Variants in DLG2 observed in about 807,000 individuals in gnomAD.
The protein encoded by DLG2 is disks large homolog 2.
A neutral mutation model predicts 132.5 loss-of-function variants in DLG2; 45 were observed. That is an observed-to-expected ratio of 0.34 (90% CI 0.27 to 0.44). The LOEUF (loss-of-function observed/expected upper bound fraction) is 0.44, where lower values mean the gene tolerates loss of function less well. Ranked by LOEUF, DLG2 falls within the 20% of genes least tolerant of loss-of-function variation. DLG2 has a pLI of 1.00. For synonymous variants in DLG2, 424 were observed against 419.6 expected, an observed-to-expected ratio of 1.01 and a Z score of -0.13; for missense variants, 1,045 against 1,196.9, an observed-to-expected ratio of 0.87 and a Z score of 1.87.
At chr11:83,789,544 T>G (rs1228467720) in intron 17 of DLG2, among the ~76,000 whole-genome samples, 1 of 151,468 alleles carries the variant, frequency 6.6e-6, no homozygotes, top group Non-Finnish European at 1.5e-5. Context: ...CTAAACAAAC[T>G]GATGACTTTT....
At chr11:84,522,721 T>G (rs1487701869) in intron 7 of DLG2, among the ~76,000 whole-genome samples, 1 of 152,224 alleles carries the variant, frequency 6.6e-6, no homozygotes, top group Non-Finnish European at 1.5e-5. Flanking sequence ...TAAGTTTCCT[T>G]TGTATATACC....
At chr11:84,100,858 A>G (rs1360741339) in intron 9 of DLG2, among the ~76,000 whole-genome samples, 5 of 152,112 alleles carry the variant, frequency 3.3e-5, no homozygotes, top group African/African-American at 9.7e-5. Context: ...CTTATTGACT[A>G]AATTTATAAA....
At chr11:84,999,324 C>A (rs1187886540) in intron 6 of DLG2, among the ~76,000 whole-genome samples, 5 of 152,102 alleles carry the variant, frequency 3.3e-5, no homozygotes, top group African/African-American at 1.2e-4. Context: ...TAGATTTCCT[C>A]ATCTAAAAAA....
chr11:84,339,354 G>A (rs112551103), intron 7 of DLG2, among the ~76,000 whole-genome samples: 8 of 152,178 alleles, frequency 5.3e-5, no homozygotes, highest in African/African-American at 1.7e-4. Flanking sequence ...GAAGTAGACC[G>A]TGTTCATCAT....
chr11:84,902,970 T>G (rs1462643337), intron 6 of DLG2, among the ~76,000 whole-genome samples: 2 of 152,170 alleles, frequency 1.3e-5, no homozygotes, highest in Non-Finnish European at 2.9e-5. Context: ...TTTCCCAAGT[T>G]ATTTTCATAG....
At chr11:84,300,752 C>A (rs2098142310) in intron 7 of DLG2, among the ~76,000 whole-genome samples, 1 of 152,130 alleles carries the variant, frequency 6.6e-6, no homozygotes, top group South Asian at 2.1e-4. Flanking sequence ...ATTACTATAG[C>A]AATGTTCTTC....
chr11:84,517,247 A>T (rs1247173011), intron 7 of DLG2, among the ~76,000 whole-genome samples: 1 of 151,368 alleles, frequency 6.6e-6, no homozygotes, highest in Non-Finnish European at 1.5e-5. Context: ...TTCAAACTAT[A>T]TATCTGTTAA....
chr11:85,234,508 G>C (rs1294485210), intron 4 of DLG2, among the ~76,000 whole-genome samples: 1 of 152,024 alleles, frequency 6.6e-6, no homozygotes, highest in Non-Finnish European at 1.5e-5. Context: ...AAAGGGTTTA[G>C]TAATGCACCT....
intron 3 of DLG2, among the ~76,000 whole-genome samples, chr11:85,365,767 G>A (rs990564096): frequency 2.9e-4 from 44 of 152,212 alleles, no homozygotes; most frequent in African/African-American, 1.1e-3. Context: ...AGAAGGATGA[G>A]TTCATGTCCT....
intron 4 of DLG2, among the ~76,000 whole-genome samples, chr11:85,164,899 T>G (rs1435243436): frequency 5.3e-5 from 8 of 152,150 alleles, no homozygotes; most frequent in Non-Finnish European, 1.0e-4. Flanking sequence ...TGCCCACACA[T>G]CCTTTCAAAT....
chr11:84,446,089 G>T (rs959236280), intron 7 of DLG2, among the ~76,000 whole-genome samples: 1 of 151,350 alleles, frequency 6.6e-6, no homozygotes, highest in African/African-American at 2.4e-5. Context: ...CCTCTGTGCT[G>T]CTTTCAGGGT....
At chr11:83,574,508 G>A (rs1371859559) in intron 19 of DLG2, among the ~76,000 whole-genome samples, 4 of 152,094 alleles carry the variant, frequency 2.6e-5, no homozygotes, top group African/African-American at 9.7e-5. Context: ...TTTATGTGCT[G>A]TGATCTGATC....
At chr11:83,694,229 GGTAA>G (rs2081481501) in intron 18 of DLG2, among the ~76,000 whole-genome samples, 1 of 152,148 alleles carries the variant, frequency 6.6e-6, no homozygotes, top group African/African-American at 2.4e-5. Context: ...GCATTAGCAA[GGTAA>G]ATGGCTCTTC....
intron 7 of DLG2, among the ~76,000 whole-genome samples, chr11:84,389,370 T>C (rs1009874728): frequency 8.5e-5 from 13 of 152,082 alleles, no homozygotes; most frequent in Non-Finnish European, 1.5e-5. Context: ...TAAAACTCCA[T>C]AAAAACCTGT....
intron 17 of DLG2, among the ~76,000 whole-genome samples, chr11:83,795,477 T>A (rs1373298894): frequency 6.7e-6 from 1 of 148,932 alleles, no homozygotes; most frequent in Admixed American, 6.7e-5. Flanking sequence ...TTGGGTAAGT[T>A]CCTTAATCAT....
At chr11:84,168,117 A>G (rs1800135001) in intron 8 of DLG2, among the ~76,000 whole-genome samples, 1 of 152,252 alleles carries the variant, frequency 6.6e-6, no homozygotes, top group Admixed American at 6.5e-5. Context: ...AGTGACAGAT[A>G]CTGAGAAAAT....
At position 85,566,081 on chromosome 11, in the gene DLG2, T is replaced by C. The variant is rs76863382; in HGVS notation, c.40+32576A>G. On this transcript the variant is annotated intron_variant, in intron 3 of 27. Coordinates refer to ENST00000376104, the MANE Select transcript of DLG2 (RefSeq NM_001142699.3). ...AAGTGATATCACTTTGTGCTTCTGATTCAAATTTCCCTAATGACTAATGAT... is the reference window on the plus strand; with the variant it reads ...AAGTGATATCACTTTGTGCTTCTGACTCAAATTTCCCTAATGACTAATGAT... 9.2e-3 allele frequency among the ~76,000 whole-genome samples: 1,396 copies of C among 152,318 alleles called. 19 individuals carry two copies. The highest frequency in any genetic ancestry group is 0.03 in the African/African-American group (1,245 of 41,562).
intron 25 of DLG2, among the ~76,000 whole-genome samples, chr11:83,468,204 T>G (rs2091478333): frequency 6.6e-6 from 1 of 152,058 alleles, no homozygotes; most frequent in Non-Finnish European, 1.5e-5. Flanking sequence ...CACATGAAAA[T>G]GAATACAGTC....
At chr11:84,340,237 T>C (rs1646577724) in intron 7 of DLG2, among the ~76,000 whole-genome samples, 1 of 152,188 alleles carries the variant, frequency 6.6e-6, no homozygotes, top group African/African-American at 2.4e-5. Flanking sequence ...ACCCCACCAG[T>C]TGCCTTAATC....
Sources: gnomAD v4.1 joint callset for allele counts (sites outside exome capture counted in the v4.1 genomes callset) on GRCh38, gnomAD v4.1.1 for gene constraint, MANE v1.5 for transcripts, NCBI Gene and HGNC (gene_info 2026-07-23, HGNC 2026-07-21) for gene names.